ZNF148: variants seen among roughly 807,000 people sequenced by gnomAD.
ZNF148 encodes the protein Beta-Enolase Repressor Factor-1.
Under a neutral mutation model 67.7 loss-of-function variants are expected in ZNF148, and 7 were observed. The observed-to-expected ratio is 0.10, with a 90% CI of 0.06 to 0.19. The LOEUF is 0.19. Among genes scored for constraint, ZNF148 ranks in the 10% least tolerant of loss-of-function variants. The pLI is 1.00. For missense variants in ZNF148, 583 were observed against 947.1 expected (o/e 0.62, Z 5.05); for synonymous variants, 333 against 330.7 (o/e 1.01, Z -0.08).
intron 7 of ZNF148, among the ~76,000 whole-genome samples, chr3:125,243,172 G>C (rs1936443784): frequency 6.6e-6 from 1 of 152,184 alleles, no homozygotes; most frequent in African/African-American, 2.4e-5. Context: ...CCTCCGTAGT[G>C]CTTTGAATGA....
In ZNF148 at chr3:125,348,552, G is replaced by A. The variant is rs186409183; in HGVS notation, c.-233-17314C>T. Among the ~76,000 whole-genome samples the A allele has an allele frequency of 2.7e-5, 4 of 148,644 alleles. No individual in the cohort carries two copies. In the East Asian group the frequency reaches 7.8e-4, roughly 29 times the overall value. On this transcript the variant is annotated intron_variant, in intron 1 of 8. Transcript: ENST00000360647. ...AACAATACTTAAACTTAACTAAGGA[G>A]GCAAAGACTTGTATGCACTGAAAAC...
At chr3:125,277,420 G>A (rs1465761038) in intron 7 of ZNF148, among the ~76,000 whole-genome samples, 2 of 152,072 alleles carry the variant, frequency 1.3e-5, no homozygotes, top group African/African-American at 2.4e-5. Context: ...ACTAATTAAC[G>A]ATAATTTTGA....
chr3:125,329,027 AT>A (rs886554628), intron 2 of ZNF148, among the ~76,000 whole-genome samples: 1 of 150,882 alleles, frequency 6.6e-6, no homozygotes, highest in African/African-American at 2.4e-5. Flanking sequence ...ATATCTGTAC[AT>A]GTATAGAAAT....
intron 1 of ZNF148, chr3:125,344,916 T>C (rs923153219): frequency 1.9e-5 from 3 of 160,540 alleles, no homozygotes; most frequent in African/African-American, 2.4e-5. Context: ...CTAGCCTGAG[T>C]AGATTTTTTT....
At chr3:125,289,458 A>C (rs1039402054) in intron 4 of ZNF148, among the ~76,000 whole-genome samples, 3 of 152,218 alleles carry the variant, frequency 2.0e-5, no homozygotes, top group African/African-American at 7.2e-5. Flanking sequence ...TAATTCTACC[A>C]AGTTACAGAA....
chr3:125,299,176 T>C (rs769858351), intron 4 of ZNF148, among the ~76,000 whole-genome samples: 1 of 152,220 alleles, frequency 6.6e-6, no homozygotes, highest in Non-Finnish European at 1.5e-5. Context: ...AACACCAAAG[T>C]AGACCTCTCT....
intron 5 of ZNF148, among the ~76,000 whole-genome samples, chr3:125,285,507 C>T (rs1002647190): frequency 2.4e-4 from 37 of 151,864 alleles, no homozygotes; most frequent in Non-Finnish European, 5.9e-5. Flanking sequence ...TGTCCCATTA[C>T]ATGTAACATG....
At chr3:125,299,898 A>T (rs995255863) in intron 4 of ZNF148, among the ~76,000 whole-genome samples, 3 of 152,242 alleles carry the variant, frequency 2.0e-5, no homozygotes, top group African/African-American at 7.2e-5. Flanking sequence ...TCTCCTTAAA[A>T]CAAGCTCAAT....
intron 1 of ZNF148, among the ~76,000 whole-genome samples, chr3:125,361,468 C>T (rs1942539604): frequency 6.6e-6 from 1 of 152,066 alleles, no homozygotes; most frequent in African/African-American, 2.4e-5. Flanking sequence ...TACACCCTGA[C>T]CTTCAAAAAC....
At chr3:125,279,513 C>A (rs2107609147) in intron 5 of ZNF148, among the ~76,000 whole-genome samples, 1 of 152,162 alleles carries the variant, frequency 6.6e-6, no homozygotes, top group East Asian at 1.9e-4. Context: ...CTCTGTAATG[C>A]TTATGCGTGA....
chr3:125,362,091 C>G (rs1413881549), intron 1 of ZNF148, among the ~76,000 whole-genome samples: 1 of 152,188 alleles, frequency 6.6e-6, no homozygotes, highest in Non-Finnish European at 1.5e-5. Flanking sequence ...TCTCCATGCC[C>G]ACGCACTGGG....
At chr3:125,251,936 T>C (rs1936858000) in intron 7 of ZNF148, among the ~76,000 whole-genome samples, 1 of 152,242 alleles carries the variant, frequency 6.6e-6, no homozygotes, top group Non-Finnish European at 1.5e-5. Context: ...TTCCACATCC[T>C]TGTGAGTACT....
chr3:125,313,932 T>A (rs1477369370), intron 3 of ZNF148, among the ~76,000 whole-genome samples: 1 of 152,112 alleles, frequency 6.6e-6, no homozygotes, highest in African/African-American at 2.4e-5. Flanking sequence ...GGAAAAGTAT[T>A]TGTAACATCA....
intron 2 of ZNF148, 62 bp from the exon 3 acceptor site, chr3:125,323,506 T>C (rs1940875045): frequency 3.4e-6 from 2 of 590,428 alleles, no homozygotes; most frequent in East Asian, 5.8e-5. Flanking sequence ...TATACAAATA[T>C]AATATGTGCA....
chr3:125,298,382 T>C (rs1191518432), intron 4 of ZNF148, among the ~76,000 whole-genome samples: 1 of 67,366 alleles, frequency 1.5e-5, no homozygotes, highest in Non-Finnish European at 3.0e-5. Flanking sequence ...CATGCTCCTT[T>C]CCAATTATTT....
At chr3:125,267,980 T>C (rs1937572399) in intron 7 of ZNF148, among the ~76,000 whole-genome samples, 2 of 151,576 alleles carry the variant, frequency 1.3e-5, no homozygotes, top group South Asian at 4.2e-4. Flanking sequence ...CACACACACA[T>C]ACCCATACCC....
intron 7 of ZNF148, among the ~76,000 whole-genome samples, chr3:125,256,968 T>TTA (rs1491550768): frequency 1.1e-4 from 1 of 9,150 alleles, no homozygotes; most frequent in Non-Finnish European, 2.2e-4. Context: ...GAACTTCCAG[T>TTA]TTTTTTTTTT....
chr3:125,252,289 T>G (rs913788094), intron 7 of ZNF148, among the ~76,000 whole-genome samples: 2 of 150,188 alleles, frequency 1.3e-5, no homozygotes, highest in South Asian at 4.2e-4. Flanking sequence ...TATATCCTGT[T>G]TAGGATTTTC....
intron 3 of ZNF148, among the ~76,000 whole-genome samples, chr3:125,319,844 T>A (rs1031770527): frequency 5.9e-5 from 9 of 152,224 alleles, no homozygotes; most frequent in Non-Finnish European, 1.2e-4. Context: ...TTTTACCTTA[T>A]CACACTATTT....
Sources: allele counts gnomAD v4.1 joint callset (sites outside exome capture counted in the v4.1 genomes callset), GRCh38; gene constraint gnomAD v4.1.1; transcripts MANE v1.5; gene names NCBI Gene and HGNC (gene_info 2026-07-23, HGNC 2026-07-21).